CNTN3: variants seen among roughly 807,000 people sequenced by gnomAD.
CNTN3 encodes the protein contactin 3.
Under a neutral mutation model 119.1 loss-of-function variants are expected in CNTN3, and 60 were observed. The observed-to-expected ratio is 0.50, with a 90% CI of 0.41 to 0.62. CNTN3 has a LOEUF of 0.62. CNTN3 is among the 20% of genes least tolerant of loss of function. The pLI, the probability that CNTN3 is intolerant of heterozygous loss-of-function variation, is 0.00. For missense variants in CNTN3, 1,101 were observed against 1,242.4 expected (o/e 0.89, Z 1.71); for synonymous variants, 450 against 438.7 (o/e 1.03, Z -0.32).
intron 5 of CNTN3, among the ~76,000 whole-genome samples, chr3:74,420,113 T>C (rs576189810): frequency 1.3e-5 from 2 of 152,264 alleles, no homozygotes; most frequent in East Asian, 3.9e-4. Context: ...GAGAAAGCAA[T>C]GACTGGGAGG....
chr3:74,575,788 G>A (rs977141438), intron 1 of CNTN3, among the ~76,000 whole-genome samples: 1 of 151,864 alleles, frequency 6.6e-6, no homozygotes, highest in Non-Finnish European at 1.5e-5. Flanking sequence ...ATTGTTCTAA[G>A]AGGCTTCTCA....
intron 20 of CNTN3, 119 bp downstream of exon 20, chr3:74,285,186 G>A (rs1053652483): frequency 8.9e-7 from 1 of 1,119,184 alleles, no homozygotes; most frequent in Non-Finnish European, 1.3e-6. Context: ...TTTGGAGTTA[G>A]GTTTATATAA....
intron 20 of CNTN3, among the ~76,000 whole-genome samples, chr3:74,284,023 C>T (rs566390712): frequency 1.8e-4 from 27 of 151,972 alleles, no homozygotes; most frequent in African/African-American, 6.3e-4. Flanking sequence ...TTGTACTAGC[C>T]AATTGTTAGC....
intron 13 of CNTN3, among the ~76,000 whole-genome samples, chr3:74,306,828 C>T (rs1295111320): frequency 1.3e-5 from 2 of 152,074 alleles, no homozygotes; most frequent in Non-Finnish European, 2.9e-5. Flanking sequence ...TATAAAGTAA[C>T]TATTCTACTT....
chr3:74,326,926 G>A (rs629398), intron 13 of CNTN3, among the ~76,000 whole-genome samples: 38,916 of 151,794 alleles, frequency 0.26, 5,945 homozygotes, highest in East Asian at 0.71. Flanking sequence ...TTGGGATGTG[G>A]AAGAAGTATC....
In CNTN3 at chr3:74,558,874, T is replaced by C. The variant is rs147272052; in HGVS notation, c.-80-37682A>G. Among the ~76,000 whole-genome samples the C allele has an allele frequency of 2.5e-3, 376 of 151,806 alleles. 4 individuals carry two copies. Among genetic ancestry groups the C allele is most frequent in the African/African-American group, 8.5e-3 (351 of 41,384 alleles). On this transcript the variant is annotated intron_variant, in intron 1 of 22. Coordinates refer to ENST00000263665, the MANE Select transcript of CNTN3 (RefSeq NM_020872.3). ...TGGCATACACATGTAATCCCAGCTGTTCTGGAGGCTGAGACATGAGAATCA... is the reference window on the plus strand; with the variant it reads ...TGGCATACACATGTAATCCCAGCTGCTCTGGAGGCTGAGACATGAGAATCA...
At chr3:74,325,320 CTTG>C (rs1456208570) in intron 13 of CNTN3, among the ~76,000 whole-genome samples, 1 of 152,068 alleles carries the variant, frequency 6.6e-6, no homozygotes, top group Non-Finnish European at 1.5e-5. Flanking sequence ...CAGAAGTAAA[CTTG>C]TATTTCACAA....
intron 2 of CNTN3, among the ~76,000 whole-genome samples, chr3:74,510,262 TA>T (rs888925767): frequency 1.7e-5 from 1 of 57,928 alleles, no homozygotes; most frequent in Non-Finnish European, 3.8e-5. Flanking sequence ...CAATATATTA[TA>T]TAAAAATATG....
At chr3:74,361,852 A>AG (rs1209089082) in intron 11 of CNTN3, 38 bp downstream of exon 11, 2 of 1,567,562 alleles carry the variant, frequency 1.3e-6, no homozygotes, top group East Asian at 2.3e-5. Context: ...GGAAAGTGAG[A>AG]GGAAAGTAAA....
chr3:74,560,932 A>C (rs939745012), intron 1 of CNTN3, among the ~76,000 whole-genome samples: 6 of 150,398 alleles, frequency 4.0e-5, no homozygotes, highest in Admixed American at 6.7e-5. Flanking sequence ...GGACAAAAAA[A>C]ACCAAACACT....
At chr3:74,602,843 T>C (rs898571702) in intron 1 of CNTN3, among the ~76,000 whole-genome samples, 12 of 152,132 alleles carry the variant, frequency 7.9e-5, no homozygotes, top group African/African-American at 2.4e-4. Context: ...TTGAATACAA[T>C]TGCATGGTCT....
chr3:74,376,377 C>T (rs568158275), intron 5 of CNTN3, among the ~76,000 whole-genome samples: 1 of 152,274 alleles, frequency 6.6e-6, no homozygotes, highest in Admixed American at 6.5e-5. Flanking sequence ...GCTCACGTTA[C>T]CTCCTGAGCT....
intron 4 of CNTN3, among the ~76,000 whole-genome samples, chr3:74,444,269 T>C (rs1702014231): frequency 6.6e-6 from 1 of 151,936 alleles, no homozygotes; most frequent in South Asian, 2.1e-4. Context: ...GAGGACTTCA[T>C]CATGTCTCTT....
At chr3:74,493,778 G>T (rs1184803105) in intron 3 of CNTN3, among the ~76,000 whole-genome samples, 1 of 152,112 alleles carries the variant, frequency 6.6e-6, no homozygotes, top group South Asian at 2.1e-4. Context: ...GTCTGAATTT[G>T]CATATTCAAT....
In CNTN3 at chr3:74,603,973, A is replaced by G. The variant is rs150824878; in HGVS notation, c.-81+10418T>C. ...GTGCTGGCATCAAAACAGAACGCATATCCCATCAGAACAGAACAGAGAGTC... is the reference window on the plus strand; with the variant it reads ...GTGCTGGCATCAAAACAGAACGCATGTCCCATCAGAACAGAACAGAGAGTC... On this transcript the variant is annotated intron_variant, in intron 1 of 22. Transcript: ENST00000263665. Among the ~76,000 whole-genome samples the G allele has an allele frequency of 2.6e-5, 4 of 152,252 alleles. No homozygotes were observed. The East Asian group carries it at 7.8e-4, about 30-fold the overall frequency.
At chr3:74,602,930 C>T (rs1026922436) in intron 1 of CNTN3, among the ~76,000 whole-genome samples, 2 of 152,042 alleles carry the variant, frequency 1.3e-5, no homozygotes, top group African/African-American at 2.4e-5. Context: ...AACTTGGGCT[C>T]CTTAGAGACA....
At chr3:74,433,795 A>G (rs537056563) in intron 4 of CNTN3, among the ~76,000 whole-genome samples, 3 of 152,248 alleles carry the variant, frequency 2.0e-5, no homozygotes, top group Non-Finnish European at 4.4e-5. Flanking sequence ...TATCTTCCAA[A>G]CCAGCTTTGG....
At chr3:74,354,962 T>C (rs1703903309) in intron 11 of CNTN3, among the ~76,000 whole-genome samples, 1 of 152,096 alleles carries the variant, frequency 6.6e-6, no homozygotes, top group Non-Finnish European at 1.5e-5. Context: ...GAAAGTTGTA[T>C]CCACTACAAT....
At chr3:74,493,153 C>G (rs927452988) in intron 3 of CNTN3, among the ~76,000 whole-genome samples, 1 of 152,000 alleles carries the variant, frequency 6.6e-6, no homozygotes, top group Non-Finnish European at 1.5e-5. Flanking sequence ...GAAATGGCAA[C>G]CTTTTCACAA....
Sources: gnomAD v4.1 joint callset for allele counts (sites outside exome capture counted in the v4.1 genomes callset) on GRCh38, gnomAD v4.1.1 for gene constraint, MANE v1.5 for transcripts, NCBI Gene and HGNC (gene_info 2026-07-23, HGNC 2026-07-21) for gene names.